GNA14: variants seen among roughly 807,000 people sequenced by gnomAD.
The protein encoded by GNA14 is G protein subunit alpha 14.
A neutral mutation model predicts 42.0 loss-of-function variants in GNA14; 50 were observed. The ratio of observed to expected loss-of-function variants is 1.19; its 90% CI spans 0.95 to 1.51. GNA14 has a LOEUF of 1.51. GNA14 is among the 40% of genes most tolerant of loss of function. The pLI is 0.00. For missense variants in GNA14, 473 were observed against 446.2 expected (o/e 1.06, Z -0.54); for synonymous variants, 173 against 163.1 (o/e 1.06, Z -0.46).
In GNA14 at chr9:77,578,703, A is replaced by C. The variant is rs72732768; in HGVS notation, c.125-49450T>G. ...TCCTTGAAACATTTATCCCACTTAA[A>C]ACCTTAACCTCATACTTCCCATATT... On this transcript the variant is annotated intron_variant, in intron 1 of 6. Transcript: ENST00000341700. Among the ~76,000 whole-genome samples the C allele has an allele frequency of 9.8e-3, 1,486 of 152,238 alleles. 23 individuals carry two copies. The highest frequency in any genetic ancestry group is 0.03 in the African/African-American group (1,257 of 41,548).
rs535819506 is a variant in GNA14, at chr9:77,619,811, G to A, written c.124+27859C>T. On this transcript the variant is annotated intron_variant, in intron 1 of 6. Coordinates refer to ENST00000341700, the MANE Select transcript of GNA14 (RefSeq NM_004297.4). ...ACATTGAATTGAAGCTAAATTTTTA[G>A]CTAGTGACAAATGTGTCAGTCCATG... Among the ~76,000 whole-genome samples the A allele has an allele frequency of 5.9e-5, 9 of 152,080 alleles. No individual in the cohort carries two copies. In the East Asian group the frequency reaches 1.7e-3, roughly 29 times the overall value.
intron 2 of GNA14, among the ~76,000 whole-genome samples, chr9:77,445,482 G>A (rs1179113794): frequency 1.3e-5 from 2 of 150,052 alleles, no homozygotes; most frequent in Non-Finnish European, 2.9e-5. Context: ...GGAGGTCAAG[G>A]CTGAAGGATC....
intron 1 of GNA14, among the ~76,000 whole-genome samples, chr9:77,610,645 TCA>T (rs1319622833): frequency 6.6e-6 from 1 of 152,166 alleles, no homozygotes; most frequent in Non-Finnish European, 1.5e-5. Flanking sequence ...GTCTCTACAC[TCA>T]CAAACTTAAA....
intron 1 of GNA14, among the ~76,000 whole-genome samples, chr9:77,570,845 T>C (rs1023133567): frequency 6.6e-6 from 1 of 151,412 alleles, no homozygotes; most frequent in African/African-American, 2.5e-5. Context: ...TCATTTTACA[T>C]TCCCACTGGA....
intron 1 of GNA14, among the ~76,000 whole-genome samples, chr9:77,606,262 TTA>T (rs1374189744): frequency 6.6e-6 from 1 of 152,206 alleles, no homozygotes; most frequent in Non-Finnish European, 1.5e-5. Context: ...TCTAAGAAGG[TTA>T]TGTTTCCAGT....
chr9:77,429,516 T>C (rs1410973473), intron 4 of GNA14, among the ~76,000 whole-genome samples: 2 of 152,194 alleles, frequency 1.3e-5, no homozygotes, highest in African/African-American at 2.4e-5. Context: ...CACCTCTTGT[T>C]CCCTATAAAA....
chr9:77,613,512 T>C (rs1382132568), intron 1 of GNA14, among the ~76,000 whole-genome samples: 1 of 152,182 alleles, frequency 6.6e-6, no homozygotes, highest in African/African-American at 2.4e-5. Flanking sequence ...ATCCTTAAAA[T>C]TTGCTAACAG....
intron 1 of GNA14, among the ~76,000 whole-genome samples, chr9:77,624,009 G>C (rs970025556): frequency 6.6e-6 from 1 of 152,152 alleles, no homozygotes. Flanking sequence ...AGCAAGCTAC[G>C]TTCCACTGGC....
Position 77,638,469 on chromosome 9 carries a change from A to C in GNA14, c.124+9201T>G, listed in dbSNP as rs146410351. On this transcript the variant is annotated intron_variant, in intron 1 of 6. Coordinates refer to ENST00000341700, the MANE Select transcript of GNA14 (RefSeq NM_004297.4). Reference sequence around the variant, plus strand: ...ACTTTTGAGCTGAGACGTGAAGATAAGGAAGAAACAGCCATGTATGTGGAA... The same window carrying C: ...ACTTTTGAGCTGAGACGTGAAGATACGGAAGAAACAGCCATGTATGTGGAA... 6.2e-4 allele frequency among the ~76,000 whole-genome samples: 95 copies of C among 152,340 alleles called. 1 individual carries two copies. The East Asian group carries it at 0.015, about 24-fold the overall frequency.
At position 77,424,111 on chromosome 9, in the gene GNA14, C is replaced by G. The variant is rs773987973; in HGVS notation, c.936G>C (p.Gln312His). 5.6e-6 allele frequency: 9 copies of G among 1,613,016 alleles called. No homozygotes were observed. In the South Asian group the frequency reaches 9.9e-5, roughly 18 times the overall value. Residue 312 changes from glutamine (Q) to histidine (H), a missense_variant, in exon 7 of 7, where the codon CAG (glutamine) becomes CAC (histidine). Physicochemically the swap from Gln to His is conservative, Grantham distance 24. Transcript: ENST00000341700. ...RDFILKLYQD[Q>H]NPDKEKVIYS... ...AGATGACTTTCTCTTTGTCAGGATTCTGATCTTGGTAAAGCTTCAGGATAA... is the reference window on the plus strand; with the variant it reads ...AGATGACTTTCTCTTTGTCAGGATTGTGATCTTGGTAAAGCTTCAGGATAA...
At chr9:77,538,834 C>A (rs956304686) in intron 1 of GNA14, among the ~76,000 whole-genome samples, 1 of 151,980 alleles carries the variant, frequency 6.6e-6, no homozygotes, top group African/African-American at 2.4e-5. Context: ...TTTTGGTGGT[C>A]TTTAGGTTTT....
intron 1 of GNA14, among the ~76,000 whole-genome samples, chr9:77,633,875 G>A (rs1008975198): frequency 1.3e-5 from 2 of 151,886 alleles, no homozygotes; most frequent in African/African-American, 2.4e-5. Flanking sequence ...CCTCAAACAT[G>A]GTGAGAAATA....
rs1474322375 is a variant in GNA14, at chr9:77,529,311, G to A, written c.125-58C>T. On this transcript the variant is annotated intron_variant, in intron 1 of 6. Transcript: ENST00000341700. Reference sequence around the variant, plus strand: ...GCAGACTTCCAAAGGAACACACGAAGAAACAGAGGACCTCCTGGCAGTATT... The same window carrying A: ...GCAGACTTCCAAAGGAACACACGAAAAAACAGAGGACCTCCTGGCAGTATT... The A allele has an allele frequency of 4.6e-6, 6 of 1,308,634 alleles. No homozygotes were observed. The South Asian group carries it at 7.1e-5, about 16-fold the overall frequency. The allele number at this position is 1,308,634 out of a possible 1,614,324, so 81.1% of individuals were successfully genotyped here. A position where few individuals can be genotyped will look rare whatever the true frequency, so the allele number is the denominator to read the frequency against.
At chr9:77,573,680 A>T (rs1279775039) in intron 1 of GNA14, among the ~76,000 whole-genome samples, 2 of 152,158 alleles carry the variant, frequency 1.3e-5, no homozygotes, top group Non-Finnish European at 2.9e-5. Flanking sequence ...ATGGACTAGG[A>T]TGCTAGACAA....
intron 1 of GNA14, among the ~76,000 whole-genome samples, chr9:77,646,589 T>C (rs78841974): frequency 0.031 from 4,691 of 152,264 alleles, 145 homozygotes; most frequent in African/African-American, 0.082. Context: ...CTTGAAGCTT[T>C]CTGGGAGGGT....
intron 2 of GNA14, among the ~76,000 whole-genome samples, chr9:77,468,057 G>C (rs546626069): frequency 1.5e-4 from 23 of 152,140 alleles, no homozygotes; most frequent in Non-Finnish European, 2.1e-4. Context: ...GAGGGTATGA[G>C]ATACACTGGC....
intron 2 of GNA14, among the ~76,000 whole-genome samples, chr9:77,523,669 A>G (rs1336834443): frequency 1.3e-5 from 2 of 152,172 alleles, no homozygotes. Context: ...CCGTGCAAAT[A>G]CAACATGACC....
chr9:77,473,552 G>A (rs563159319), intron 2 of GNA14, among the ~76,000 whole-genome samples: 1 of 150,380 alleles, frequency 6.6e-6, no homozygotes, highest in African/African-American at 2.4e-5. Context: ...TGTTAAGATG[G>A]TAACACTCCC....
chr9:77,442,092 C>T (rs937994077), intron 2 of GNA14, among the ~76,000 whole-genome samples: 2 of 152,196 alleles, frequency 1.3e-5, no homozygotes, highest in Admixed American at 6.5e-5. Flanking sequence ...CTAATGCAGG[C>T]CTGGTGCAGT....
Sources: gnomAD v4.1 joint callset for allele counts (sites outside exome capture counted in the v4.1 genomes callset) on GRCh38, gnomAD v4.1.1 for gene constraint, MANE v1.5 for transcripts, NCBI Gene and HGNC (gene_info 2026-07-23, HGNC 2026-07-21) for gene names.